The following PLXNC1 variants were observed in gnomAD, a reference collection of about 807,000 sequenced individuals.
PLXNC1 encodes the protein plexin C1.
PLXNC1 carries 75 observed loss-of-function variants against 178.2 expected under a neutral mutation model. The ratio of observed to expected loss-of-function variants is 0.42; its 90% CI spans 0.35 to 0.51. The LOEUF is 0.51. PLXNC1 is among the 20% of genes least tolerant of loss of function. PLXNC1 has a pLI of 0.02. For missense variants in PLXNC1, 1,503 were observed against 1,984.4 expected, an observed-to-expected ratio of 0.76 and a Z score of 4.61; for synonymous variants, 790 against 779.9, an observed-to-expected ratio of 1.01 and a Z score of -0.22.
intron 1 of PLXNC1, among the ~76,000 whole-genome samples, chr12:94,151,938 G>A (rs551217857): frequency 6.6e-6 from 1 of 152,288 alleles, no homozygotes; most frequent in Admixed American, 6.5e-5. Flanking sequence ...CGAGAGAGCT[G>A]CCCCTTGGAA....
chr12:94,203,239 A>T (rs1472599661), intron 4 of PLXNC1, among the ~76,000 whole-genome samples: 1 of 152,212 alleles, frequency 6.6e-6, no homozygotes, highest in Non-Finnish European at 1.5e-5. Context: ...AACATGTGTG[A>T]CTAGAATTTC....
chr12:94,305,078 C>G (rs1257776774), intron 30 of PLXNC1, 103 bp from the exon 31 acceptor site: 2 of 674,412 alleles, frequency 3.0e-6, no homozygotes, highest in Admixed American at 5.4e-5. Context: ...ATGTTGGCAT[C>G]TGTTTCATAC....
intron 23 of PLXNC1, among the ~76,000 whole-genome samples, chr12:94,285,756 C>T (rs1966803398): frequency 6.6e-6 from 1 of 152,110 alleles, no homozygotes; most frequent in South Asian, 2.1e-4. Context: ...GGTTCTAGAC[C>T]TGCAAGCCAG....
At chr12:94,264,928 A>G in intron 20 of PLXNC1, 151 bp from the exon 21 acceptor site, 1 of 788,562 alleles carries the variant, frequency 1.3e-6, no homozygotes, top group Non-Finnish European at 2.1e-6. Flanking sequence ...TCCAATCCCA[A>G]GTGGAGCAAC....
At chr12:94,301,995 A>G (rs1243628031) in intron 28 of PLXNC1, among the ~76,000 whole-genome samples, 7 of 151,962 alleles carry the variant, frequency 4.6e-5, no homozygotes, top group Admixed American at 4.6e-4. Flanking sequence ...TCCCGTCCCT[A>G]CTGGGATAAC....
At chr12:94,158,481 C>G (rs1295212360) in intron 1 of PLXNC1, among the ~76,000 whole-genome samples, 1 of 152,122 alleles carries the variant, frequency 6.6e-6, no homozygotes, top group Non-Finnish European at 1.5e-5. Context: ...TCGGAAGCTC[C>G]CTATGAGAAA....
intron 22 of PLXNC1, among the ~76,000 whole-genome samples, chr12:94,281,646 C>T (rs777253882): frequency 1.3e-5 from 2 of 152,154 alleles, no homozygotes; most frequent in Admixed American, 1.3e-4. Flanking sequence ...GTCTTGAACT[C>T]CTAGCCTCAA....
intron 4 of PLXNC1, among the ~76,000 whole-genome samples, chr12:94,196,748 A>G (rs527380861): frequency 1.3e-5 from 2 of 152,308 alleles, no homozygotes; most frequent in East Asian, 1.9e-4. Flanking sequence ...TGGGTAGAGA[A>G]GAATATGCTT....
At chr12:94,299,492 T>C (rs992931139) in intron 27 of PLXNC1, among the ~76,000 whole-genome samples, 1 of 152,198 alleles carries the variant, frequency 6.6e-6, no homozygotes, top group Non-Finnish European at 1.5e-5. Context: ...CCTCTAGGTC[T>C]AATCTCCCAT....
intron 21 of PLXNC1, among the ~76,000 whole-genome samples, chr12:94,267,351 G>C (rs963235439): frequency 6.6e-6 from 1 of 152,130 alleles, no homozygotes; most frequent in Non-Finnish European, 1.5e-5. Context: ...CTTTCATTTC[G>C]AAACATTATT....
intron 5 of PLXNC1, among the ~76,000 whole-genome samples, chr12:94,217,663 C>T (rs1963683221): frequency 6.6e-6 from 1 of 152,210 alleles, no homozygotes. Context: ...TCCCCCACTT[C>T]CAGTCCTGCC....
intron 22 of PLXNC1, chr12:94,280,098 G>C (rs548439611): frequency 2.5e-5 from 8 of 324,610 alleles, no homozygotes; most frequent in South Asian, 2.0e-4. Flanking sequence ...CTGCTAGAAA[G>C]GTCATCTTCC....
chr12:94,283,148 G>C (rs1251442804), intron 23 of PLXNC1, among the ~76,000 whole-genome samples: 1 of 120,108 alleles, frequency 8.3e-6, no homozygotes, highest in East Asian at 2.4e-4. Context: ...CCCTGGGGAA[G>C]GAGTGCAAAA....
In PLXNC1 at chr12:94,150,017, C is replaced by G. The variant is rs993636645; in HGVS notation, c.1046C>G (p.Thr349Arg). Residue 349 changes from threonine (T) to arginine (R), a missense_variant, in exon 1 of 31, where the codon ACG becomes AGG. Physicochemically the swap from Thr to Arg is moderately conservative, Grantham distance 71. Around this residue, in one of 4 missense-constraint regions of PLXNC1, gnomAD observed 615 missense variants for 698.6 expected, o/e 0.88. Coordinates refer to ENST00000258526, the MANE Select transcript of PLXNC1 (RefSeq NM_005761.3). Reference sequence around the variant, plus strand: ...AAGAGGGTCAGCTGGGACTTCAAGACGGCCGAGAGCCACTGCGTAAGTCCT... The same window carrying G: ...AAGAGGGTCAGCTGGGACTTCAAGAGGGCCGAGAGCCACTGCGTAAGTCCT... ...RAKRVSWDFK[T>R]AESHCKEGDQ... 1 of 1,594,944 alleles carries G rather than the reference C, an allele frequency of 6.3e-7. No homozygotes were observed. The highest frequency in any genetic ancestry group is 8.5e-7 in the Non-Finnish European group (1 of 1,172,226).
chr12:94,229,966 G>A (rs7307839), intron 9 of PLXNC1, among the ~76,000 whole-genome samples: 18,769 of 152,126 alleles, frequency 0.12, 1,259 homozygotes, highest in Middle Eastern at 0.17. Context: ...TCCTTCAATA[G>A]TACTATCCTG....
At chr12:94,230,281 C>A (rs1964062176) in intron 9 of PLXNC1, among the ~76,000 whole-genome samples, 1 of 152,162 alleles carries the variant, frequency 6.6e-6, no homozygotes, top group African/African-American at 2.4e-5. Flanking sequence ...ATCAATAATT[C>A]ATTCCTTTTT....
At chr12:94,286,331 G>A (rs987283099) in intron 23 of PLXNC1, among the ~76,000 whole-genome samples, 2 of 152,120 alleles carry the variant, frequency 1.3e-5, no homozygotes, top group Non-Finnish European at 2.9e-5. Context: ...TGTTCTCTAT[G>A]CCTGGACCAT....
chr12:94,267,411 CTCA>C (rs1298264128), intron 21 of PLXNC1, among the ~76,000 whole-genome samples: 6 of 152,200 alleles, frequency 3.9e-5, no homozygotes, highest in African/African-American at 1.4e-4. Flanking sequence ...TAACACTCGA[CTCA>C]TCATCATAAT....
chr12:94,288,023 C>T (rs117657462), intron 23 of PLXNC1, among the ~76,000 whole-genome samples: 1 of 152,204 alleles, frequency 6.6e-6, no homozygotes, highest in African/African-American at 2.4e-5. Context: ...AATAACCACT[C>T]TAGAGACTGT....
Sources: allele counts gnomAD v4.1 joint callset (sites outside exome capture counted in the v4.1 genomes callset), GRCh38; gene constraint gnomAD v4.1.1; regional missense constraint gnomAD v4.1.1; transcripts MANE v1.5; gene names NCBI Gene and HGNC (gene_info 2026-07-23, HGNC 2026-07-21).